Variants in TMED5 observed in about 807,000 individuals in gnomAD.
The protein encoded by TMED5 is transmembrane emp24 domain-containing protein 5.
TMED5 carries 27 observed loss-of-function variants against 23.0 expected under a neutral mutation model. The observed-to-expected ratio is 1.17, with a 90% CI of 0.86 to 1.62. The LOEUF is 1.62. Ranked by LOEUF, TMED5 falls within the 40% of genes most tolerant of loss-of-function variation. The probability of loss-of-function intolerance (pLI) is 0.00; values close to 1 mark genes in which losing one functional copy is unlikely to be tolerated. For synonymous variants in TMED5, 97 were observed against 100.8 expected, an observed-to-expected ratio of 0.96 and a Z score of 0.23; for missense variants, 248 against 273.7, an observed-to-expected ratio of 0.91 and a Z score of 0.66.
intron 1 of TMED5, among the ~76,000 whole-genome samples, chr1:93,177,814 A>G (rs925006008): frequency 3.3e-5 from 5 of 152,108 alleles, no homozygotes; most frequent in Admixed American, 6.6e-5. Flanking sequence ...AATCAACTCT[A>G]TGATGTAGTT....
At chr1:93,167,015 A>C (rs2101147848) in intron 1 of TMED5, among the ~76,000 whole-genome samples, 1 of 152,274 alleles carries the variant, frequency 6.6e-6, no homozygotes, top group Non-Finnish European at 1.5e-5. Context: ...TTTATTGAAG[A>C]GACTCTTTTC....
chr1:93,167,067 C>T (rs1278879052), intron 1 of TMED5, among the ~76,000 whole-genome samples: 1 of 152,120 alleles, frequency 6.6e-6, no homozygotes, highest in East Asian at 1.9e-4. Context: ...AATGAGTTCA[C>T]TGTAAGTGTA....
chr1:93,156,501 CAT>C lies in TMED5; in HGVS notation c.288-20_288-19del, dbSNP rs778942295. ...TCTCTACACTGTATAAAAAAAAGTACATGTTTTAAGTTACCTGTATTTCTATT... is the reference window on the plus strand; with the variant it reads ...TCTCTACACTGTATAAAAAAAAGTACGTTTTAAGTTACCTGTATTTCTATT... On this transcript the variant is annotated intron_variant, in intron 2 of 3. Transcript: ENST00000370282. The C allele has an allele frequency of 5.6e-6, 9 of 1,599,350 alleles. No homozygotes were observed. Among genetic ancestry groups the C allele is most frequent in the South Asian group, 3.4e-5 (3 of 89,538 alleles).
chr1:93,163,346 C>CT (rs781252198), intron 1 of TMED5: 12,524 of 138,718 alleles, frequency 0.09, 616 homozygotes, highest in African/African-American at 0.13. Flanking sequence ...ATAAAATATA[C>CT]TTTTTTTTTT....
rs1323918006 is a variant in TMED5, at chr1:93,149,869, A to C, written c.*4801T>G. ...TAATTATGCATGCATAGGAAAAAAC[A>C]GGCCGGACATGGTGGCTCACGCCTG... On this transcript the variant is annotated 3_prime_UTR_variant, in exon 4 of 4. Coordinates refer to ENST00000370282, the MANE Select transcript of TMED5 (RefSeq NM_016040.5). The C allele has an allele frequency of 6.6e-6, 1 of 152,232 alleles. No homozygotes were observed. The highest frequency in any genetic ancestry group is 1.5e-5 in the Non-Finnish European group (1 of 68,040). 9.4% of individuals were successfully genotyped at this position (152,232 alleles called of 1,614,324 possible). A position where few individuals can be genotyped will look rare whatever the true frequency, so the allele number is the denominator to read the frequency against.
chr1:93,156,776 CCAGCCTGGGCAA>C (rs1315043969), intron 2 of TMED5, among the ~76,000 whole-genome samples: 1 of 142,998 alleles, frequency 7.0e-6, no homozygotes, highest in Non-Finnish European at 1.5e-5. Flanking sequence ...CCACTGCACT[CCAGCCTGGGCAA>C]CAGAGCAAGA....
intron 1 of TMED5, chr1:93,179,853 G>A (rs1649215064): frequency 3.7e-6 from 2 of 542,442 alleles, no homozygotes; most frequent in East Asian, 7.0e-5. Context: ...TCAATTCCAG[G>A]TCCAGCCTAA....
chr1:93,155,914 A>G (rs1648059111), intron 3 of TMED5: 1 of 517,538 alleles, frequency 1.9e-6, no homozygotes, highest in Non-Finnish European at 3.4e-6. Context: ...CAATGTTTTA[A>G]TACCACAAAA....
chr1:93,158,922 A>G (rs1440547314), intron 2 of TMED5: 3 of 816,892 alleles, frequency 3.7e-6, no homozygotes, highest in Admixed American at 6.2e-5. Context: ...AAGTATATCA[A>G]TATAAACTGA....
In TMED5 at chr1:93,150,178, CTTTATTA is replaced by C. The variant is rs1370054416; in HGVS notation, c.*4485_*4491del. Reference sequence around the variant, plus strand: ...CGAATCTTGTTTCCCATCTCTATAGCTTTATTATTTAAGAATGTTACAAAAACAGAAT... The same window carrying C: ...CGAATCTTGTTTCCCATCTCTATAGCTTTAAGAATGTTACAAAAACAGAAT... On this transcript the variant is annotated 3_prime_UTR_variant, in exon 4 of 4. Transcript: ENST00000370282. 2 of 152,136 alleles carry C rather than the reference CTTTATTA, an allele frequency of 1.3e-5. No individual in the cohort carries two copies. Among genetic ancestry groups the C allele is most frequent in the African/African-American group, 4.8e-5 (2 of 41,408 alleles). The allele number at this position is 152,136 out of a possible 1,614,324, so 9.4% of individuals were successfully genotyped here. A position where few individuals can be genotyped will look rare whatever the true frequency, so the allele number is the denominator to read the frequency against.
chr1:93,157,894 G>T (rs1487259418), intron 2 of TMED5, among the ~76,000 whole-genome samples: 2 of 152,134 alleles, frequency 1.3e-5, no homozygotes, highest in African/African-American at 2.4e-5. Context: ...GGAGGCCGAG[G>T]CAGGCAGATC....
At chr1:93,163,860 G>A (rs1415245085) in intron 1 of TMED5, among the ~76,000 whole-genome samples, 2 of 151,412 alleles carry the variant, frequency 1.3e-5, no homozygotes, top group Non-Finnish European at 2.9e-5. Flanking sequence ...ATGCACGCCT[G>A]TAATCTCAGG....
intron 1 of TMED5, among the ~76,000 whole-genome samples, chr1:93,177,863 T>A (rs1331995141): frequency 6.6e-6 from 1 of 152,126 alleles, no homozygotes; most frequent in East Asian, 1.9e-4. Flanking sequence ...GAAGATCACA[T>A]AAGTTTTAAG....
intron 2 of TMED5, among the ~76,000 whole-genome samples, chr1:93,159,862 T>C (rs1648208099): frequency 6.6e-6 from 1 of 152,136 alleles, no homozygotes; most frequent in Non-Finnish European, 1.5e-5. Context: ...CCACGATAGA[T>C]TGAATGGAAT....
intron 1 of TMED5, among the ~76,000 whole-genome samples, chr1:93,175,175 T>TTATATATATATATATATACATA (rs1648865023): frequency 8.3e-6 from 1 of 119,872 alleles, no homozygotes; most frequent in African/African-American, 4.0e-5. Context: ...TAAAAGCCAT[T>TTATATATATATATATATACATA]TATATATATA....
chr1:93,180,278 AG>A lies in TMED5; in HGVS notation c.-37del, dbSNP rs1420801830. The A allele has an allele frequency of 6.3e-7, 1 of 1,581,354 alleles. No individual in the cohort carries two copies. The highest frequency in any genetic ancestry group is 8.6e-7 in the Non-Finnish European group (1 of 1,167,502). Reference sequence around the variant, plus strand: ...GCGATCCCGGGCTGAAAGAGGCGTCAGGTACTGTTGTCTCCGCTCCGCGTTT... The same window carrying A: ...GCGATCCCGGGCTGAAAGAGGCGTCAGTACTGTTGTCTCCGCTCCGCGTTT... On this transcript the variant is annotated 5_prime_UTR_variant, in exon 1 of 4. Coordinates refer to ENST00000370282, the MANE Select transcript of TMED5 (RefSeq NM_016040.5).
rs1189269315 is a variant in TMED5 at position 93,154,574 on chromosome 1, A to G, written c.*96T>C. On this transcript the variant is annotated 3_prime_UTR_variant, in exon 4 of 4. Transcript: ENST00000370282. ...ACCTGTTTCCTACTTTTATATCTCA[A>G]AATATTTTGGAGAAGACCATTAATG... 1 of 804,042 alleles carries G rather than the reference A, an allele frequency of 1.2e-6. No homozygotes were observed. The highest frequency in any genetic ancestry group is 1.7e-5 in the African/African-American group (1 of 57,610). 49.8% of individuals were successfully genotyped at this position (804,042 alleles called of 1,614,324 possible).
chr1:93,165,102 A>T (rs1170315044), intron 1 of TMED5, among the ~76,000 whole-genome samples: 1 of 152,226 alleles, frequency 6.6e-6, no homozygotes, highest in East Asian at 1.9e-4. Context: ...GTCAACAACC[A>T]TGAGTGAGTT....
intron 1 of TMED5, chr1:93,161,309 TA>T (rs1648264973): frequency 6.6e-6 from 1 of 152,054 alleles, no homozygotes; most frequent in South Asian, 2.1e-4. Flanking sequence ...TTAAAAAAAA[TA>T]AGTAAAAAAT....
Sources: gnomAD v4.1 joint callset for allele counts (sites outside exome capture counted in the v4.1 genomes callset) on GRCh38, gnomAD v4.1.1 for gene constraint, MANE v1.5 for transcripts, NCBI Gene and HGNC (gene_info 2026-07-23, HGNC 2026-07-21) for gene names.